OXCT1: variants seen among roughly 807,000 people sequenced by gnomAD.
The protein encoded by OXCT1 is 3-oxoacid CoA-transferase 1, also known as succinyl-CoA:3-ketoacid coenzyme A transferase 1, mitochondrial.
A neutral mutation model predicts 69.6 loss-of-function variants in OXCT1; 27 were observed. The ratio of observed to expected loss-of-function variants is 0.39; its 90% CI spans 0.29 to 0.54. The LOEUF (loss-of-function observed/expected upper bound fraction) is 0.54, where lower values mean the gene tolerates loss of function less well. Among genes scored for constraint, OXCT1 ranks in the 20% least tolerant of loss-of-function variants. The pLI is 0.72. For synonymous variants in OXCT1, 202 were observed against 217.8 expected (o/e 0.93, Z 0.64); for missense variants, 437 against 650.2 (o/e 0.67, Z 3.57).
intron 7 of OXCT1, among the ~76,000 whole-genome samples, chr5:41,836,456 A>G (rs1748366795): frequency 6.6e-6 from 1 of 152,226 alleles, no homozygotes; most frequent in African/African-American, 2.4e-5. Context: ...AAAAACAGAC[A>G]TAAGTGATCA....
chr5:41,748,615 G>T (rs892292026), intron 15 of OXCT1, among the ~76,000 whole-genome samples: 1 of 151,856 alleles, frequency 6.6e-6, no homozygotes, highest in African/African-American at 2.4e-5. Context: ...TAGTCCTGGG[G>T]AAGGCATCAT....
intron 15 of OXCT1, among the ~76,000 whole-genome samples, chr5:41,744,415 GAC>G (rs1017221160): frequency 1.1e-4 from 16 of 152,130 alleles, no homozygotes; most frequent in Non-Finnish European, 1.5e-4. Context: ...TGCAAACAGG[GAC>G]AATTTGACTT....
chr5:41,842,884 G>A (rs1748706123), intron 5 of OXCT1, 103 bp from the exon 6 acceptor site: 2 of 838,730 alleles, frequency 2.4e-6, no homozygotes, highest in East Asian at 4.8e-5. Context: ...CCTACTGAGG[G>A]AAAATTTCTC....
At chr5:41,869,989 C>T (rs1273826211) in intron 1 of OXCT1, 11 of 450,730 alleles carry the variant, frequency 2.4e-5, no homozygotes, top group Non-Finnish European at 4.5e-5. Flanking sequence ...CGCCAAAGGG[C>T]TCGGGAGCGC....
chr5:41,730,117 T>G lies in OXCT1; in HGVS notation c.*1612A>C, dbSNP rs1416724919. On this transcript the variant is annotated 3_prime_UTR_variant, in exon 17 of 17. Coordinates refer to ENST00000196371, the MANE Select transcript of OXCT1 (RefSeq NM_000436.4). ...TCCTTAATGCATTTCTTAACATGTA[T>G]AGCACTCTTCAATCAAGAATATAAA... The G allele has an allele frequency of 6.6e-6, 1 of 152,216 alleles. No homozygotes were observed. The highest frequency in any genetic ancestry group is 1.5e-5 in the Non-Finnish European group (1 of 68,036). The allele number at this position is 152,216 out of a possible 1,614,324, so 9.4% of individuals were successfully genotyped here. A position where few individuals can be genotyped will look rare whatever the true frequency, so the allele number is the denominator to read the frequency against.
intron 7 of OXCT1, among the ~76,000 whole-genome samples, chr5:41,830,516 G>C (rs1748046210): frequency 1.3e-5 from 2 of 152,198 alleles, no homozygotes; most frequent in Non-Finnish European, 2.9e-5. Context: ...ATGTAGCATA[G>C]TAAGTTCACA....
intron 16 of OXCT1, among the ~76,000 whole-genome samples, chr5:41,734,968 A>C: frequency 6.6e-6 from 1 of 152,218 alleles, no homozygotes; most frequent in South Asian, 2.1e-4. Flanking sequence ...AGATATGGAG[A>C]AATTAGAACC....
intron 16 of OXCT1, among the ~76,000 whole-genome samples, chr5:41,738,905 C>G (rs1743020497): frequency 6.6e-6 from 1 of 152,172 alleles, no homozygotes; most frequent in Non-Finnish European, 1.5e-5. Flanking sequence ...TGATGACTAA[C>G]CTGGTGATGT....
At position 41,739,405 on chromosome 5, in the gene OXCT1, A is replaced by G. The variant is rs368510146; in HGVS notation, c.1506T>C (p.Thr502=). 3.0e-4 allele frequency: 483 copies of G among 1,610,002 alleles called. 6 individuals are homozygous for G. The South Asian group carries it at 5.0e-3, about 17-fold the overall frequency. Reference sequence around the variant, plus strand: ...AAATACTTACTGCAAAATCACACCCAGTACTCTTCTGTACGTCATCCACTG... The same window carrying G: ...AAATACTTACTGCAAAATCACACCCGGTACTCTTCTGTACGTCATCCACTG... ...GLTVDDVQKS[T]GCDFAVSPKL... is the part of the protein sequence containing the mutation. The change falls in exon 16 of 17, where the codon ACT becomes ACC. Residue 502 remains threonine (T), a synonymous_variant. Transcript: ENST00000196371.
At chr5:41,738,977 C>T (rs533694849) in intron 16 of OXCT1, among the ~76,000 whole-genome samples, 1 of 152,166 alleles carries the variant, frequency 6.6e-6, no homozygotes, top group South Asian at 2.1e-4. Context: ...TAGAGAAAGT[C>T]ATAAGTCATA....
At chr5:41,808,629 G>T (rs77477687) in intron 7 of OXCT1, among the ~76,000 whole-genome samples, 12,644 of 152,136 alleles carry the variant, frequency 0.083, 672 homozygotes, top group Non-Finnish European at 0.11. Flanking sequence ...CGGCATCCAA[G>T]TTGAACTACT....
At chr5:41,769,622 G>C (rs1466427541) in intron 13 of OXCT1, among the ~76,000 whole-genome samples, 2 of 150,058 alleles carry the variant, frequency 1.3e-5, no homozygotes, top group African/African-American at 4.9e-5. Flanking sequence ...CCAGCTACTC[G>C]AGAAGCTGAG....
At chr5:41,820,575 T>C (rs1007758787) in intron 7 of OXCT1, among the ~76,000 whole-genome samples, 1 of 152,316 alleles carries the variant, frequency 6.6e-6, no homozygotes, top group East Asian at 1.9e-4. Context: ...ACATGCTTAA[T>C]GTTTTATGTA....
intron 10 of OXCT1, 143 bp from the exon 11 acceptor site, chr5:41,801,213 GT>G: frequency 1.4e-6 from 1 of 694,056 alleles, no homozygotes; most frequent in South Asian, 1.7e-5. Context: ...AAATAATTCG[GT>G]TGTGTCCATG....
intron 11 of OXCT1, 110 bp downstream of exon 11, chr5:41,800,912 A>G: frequency 1.1e-6 from 1 of 922,976 alleles, no homozygotes; most frequent in Non-Finnish European, 1.8e-6. Flanking sequence ...CTCCTCAACA[A>G]TGAATACCAT....
chr5:41,744,682 C>T (rs187872313), intron 15 of OXCT1, among the ~76,000 whole-genome samples: 3 of 152,048 alleles, frequency 2.0e-5, no homozygotes, highest in East Asian at 1.9e-4. Context: ...GAAGTGTTGT[C>T]GAATTTTGTC....
intron 16 of OXCT1, among the ~76,000 whole-genome samples, chr5:41,739,023 T>C (rs1486291735): frequency 3.9e-5 from 6 of 152,248 alleles, no homozygotes; most frequent in South Asian, 2.1e-4. Context: ...CATTTCTCCA[T>C]ATGTGGCTAA....
In OXCT1 at chr5:41,870,244, T is replaced by C. The variant is rs774242123; in HGVS notation, c.78+37A>G. 1 of 1,541,962 alleles carries C rather than the reference T, an allele frequency of 6.5e-7. No individual in the cohort carries two copies. Among genetic ancestry groups the C allele is most frequent in the East Asian group, 2.2e-5 (1 of 44,502 alleles). Reference sequence around the variant, plus strand: ...ACCACTCAGGGTTTGGTCCACGTTCTTCCTGCCCATGGCCTTCCTCTTCCC... The same window carrying C: ...ACCACTCAGGGTTTGGTCCACGTTCCTCCTGCCCATGGCCTTCCTCTTCCC... On this transcript the variant is annotated intron_variant, in intron 1 of 16. Transcript: ENST00000196371. The surrounding 1 kb of genome is among the most constrained non-coding windows in gnomAD (Gnocchi z 4.2).
At chr5:41,838,066 T>C (rs1420228685) in intron 7 of OXCT1, among the ~76,000 whole-genome samples, 1 of 152,192 alleles carries the variant, frequency 6.6e-6, no homozygotes, top group Non-Finnish European at 1.5e-5. Context: ...CTCTTAAATG[T>C]TGCACTTCAG....
Sources: gnomAD v4.1 joint callset for allele counts (sites outside exome capture counted in the v4.1 genomes callset) on GRCh38, gnomAD v4.1.1 for gene constraint, Gnocchi (gnomAD v3.1) non-coding constraint, MANE v1.5 for transcripts, NCBI Gene and HGNC (gene_info 2026-07-23, HGNC 2026-07-21) for gene names.